The following TRIM49 variants were observed in gnomAD, a reference collection of about 807,000 sequenced individuals.
TRIM49 encodes the protein tripartite motif-containing protein 49.
Under a neutral mutation model 27.4 loss-of-function variants are expected in TRIM49, and 5 were observed. That is an observed-to-expected ratio of 0.18 (90% CI 0.10 to 0.38). The LOEUF is 0.38. TRIM49 is among the 10% of genes least tolerant of loss of function. The pLI is 1.00. For synonymous variants in TRIM49, 69 were observed against 166.0 expected (o/e 0.42, Z 4.49); for missense variants, 188 against 487.5 (o/e 0.39, Z 5.79).
the TRIM49 span, chr11:89,777,403 A>G: frequency 1.3e-6 from 2 of 1,539,168 alleles, no homozygotes; most frequent in Admixed American, 3.9e-5. Context: ...GATGCCTCTA[A>G]GGCAGTTTGA....
the TRIM49 span, chr11:89,782,028 C>A: frequency 6.6e-7 from 1 of 1,524,792 alleles, no homozygotes; most frequent in Non-Finnish European, 8.8e-7. Context: ...GGAGCACAAG[C>A]ATTCACCTCC....
At chr11:89,800,519 G>A (rs1310236533) in intron 6 of TRIM49, among the ~76,000 whole-genome samples, 3 of 151,386 alleles carry the variant, frequency 2.0e-5, no homozygotes, top group Admixed American at 6.5e-5. Context: ...CGAGGCGGGC[G>A]GATCACGGGG....
the TRIM49 span, among the ~76,000 whole-genome samples, chr11:89,774,406 C>A: frequency 6.6e-6 from 1 of 150,916 alleles, no homozygotes; most frequent in Non-Finnish European, 1.5e-5. Flanking sequence ...GTTTTCAATA[C>A]TTTATAAACC....
At chr11:89,778,333 T>C in the TRIM49 span, among the ~76,000 whole-genome samples, 1,221 of 151,846 alleles carry the variant, frequency 8.0e-3, 3 homozygotes, top group South Asian at 0.042. Context: ...TAGAATAGTA[T>C]ATAGAGTAAA....
At chr11:89,797,383 AATT>A (rs1239118867), downstream of TRIM49, among the ~76,000 whole-genome samples, 24 of 151,144 alleles carry the variant, frequency 1.6e-4, no homozygotes, top group Admixed American at 1.6e-3. Context: ...TAATTGTTTT[AATT>A]ATTAATTTGT....
intron 2 of TRIM49, among the ~76,000 whole-genome samples, chr11:89,805,712 AGTTTTTTTTT>A (rs1286439890): frequency 2.2e-5 from 3 of 139,270 alleles, no homozygotes; most frequent in Non-Finnish European, 4.5e-5. Flanking sequence ...AGGTGTTTTT[AGTTTTTTTTT>A]GTTTTTTTTT....
At chr11:89,774,110 C>T in the TRIM49 span, among the ~76,000 whole-genome samples, 4 of 149,090 alleles carry the variant, frequency 2.7e-5, no homozygotes, top group African/African-American at 1.0e-4. Context: ...AAGTGATTCT[C>T]ATGCCTCAGC....
chr11:89,790,839 C>T, the TRIM49 span, among the ~76,000 whole-genome samples: 1 of 152,058 alleles, frequency 6.6e-6, no homozygotes, highest in African/African-American at 2.4e-5. Flanking sequence ...AAAATCAGAG[C>T]ACCTCTCCCC....
downstream of TRIM49, among the ~76,000 whole-genome samples, chr11:89,797,109 C>T (rs577586563): frequency 5.3e-4 from 81 of 152,004 alleles, no homozygotes; most frequent in African/African-American, 1.9e-3. Flanking sequence ...TGGATTAATT[C>T]TTACTTTTGT....
At chr11:89,794,571 A>G (rs1949675858), downstream of TRIM49, among the ~76,000 whole-genome samples, 1 of 150,664 alleles carries the variant, frequency 6.6e-6, no homozygotes, top group African/African-American at 2.4e-5. Context: ...CAGAGCCCTC[A>G]GAAATAATGC....
the TRIM49 span, chr11:89,785,914 C>G: frequency 1.4e-5 from 2 of 142,400 alleles, no homozygotes; most frequent in Non-Finnish European, 3.0e-5. Flanking sequence ...CTTTCCCGGA[C>G]GGTGCCGCGA....
the TRIM49 span, among the ~76,000 whole-genome samples, chr11:89,775,655 T>C: frequency 7.5e-6 from 1 of 134,166 alleles, no homozygotes; most frequent in Non-Finnish European, 1.5e-5. Context: ...ATTGGCTATT[T>C]CAGAATGTGA....
downstream of TRIM49, chr11:89,797,607 T>C (rs1949700759): frequency 6.6e-6 from 1 of 152,444 alleles, no homozygotes; most frequent in Admixed American, 6.5e-5. Context: ...ATTATTTATA[T>C]CTGTGGTGAG....
the TRIM49 span, among the ~76,000 whole-genome samples, chr11:89,767,736 T>C: frequency 1.5e-5 from 2 of 133,236 alleles, no homozygotes; most frequent in South Asian, 2.3e-4. Context: ...AAGTTACTCA[T>C]GTATGCTTTA....
intron 2 of TRIM49, among the ~76,000 whole-genome samples, chr11:89,804,924 T>A (rs1437706509): frequency 2.0e-5 from 3 of 151,116 alleles, no homozygotes; most frequent in Non-Finnish European, 4.4e-5. Context: ...CTATGACATA[T>A]TTTTATAGAG....
intron 2 of TRIM49, among the ~76,000 whole-genome samples, chr11:89,806,248 A>T (rs1356033192): frequency 1.3e-5 from 2 of 150,976 alleles, no homozygotes; most frequent in Non-Finnish European, 2.9e-5. Flanking sequence ...TGGTATTATA[A>T]TCTTATGGGA....
intron 5 of TRIM49, among the ~76,000 whole-genome samples, chr11:89,801,340 T>A (rs1256149982): frequency 1.4e-5 from 2 of 143,820 alleles, no homozygotes. Flanking sequence ...AAACCTAGAT[T>A]CCCAAAACTT....
the TRIM49 span, among the ~76,000 whole-genome samples, chr11:89,770,560 A>G: frequency 3.2e-4 from 46 of 142,824 alleles, 4 homozygotes; most frequent in African/African-American, 1.3e-3. Context: ...TGACCATAGT[A>G]TTAAAAATTC....
Position 89,798,280 on chromosome 11 carries a change from T to C in TRIM49, c.1209A>G (p.Pro403=). The change falls in exon 8 of 8, where the codon CCA becomes CCG. Residue 403 remains proline, a synonymous_variant. Coordinates refer to ENST00000329758, the MANE Select transcript of TRIM49 (RefSeq NM_020358.2). ...TTSPLMLQYI[P]KPTSRVGLFL... ...ATAATCCTACTCGGCTGGTAGGTTT[T>C]GGGATATATTGCAGCATAAGTGGGG... is the stretch of plus-strand genomic sequence containing the variant. 2.5e-6 allele frequency: 4 copies of C among 1,578,158 alleles called. 1 individual carries two copies. The highest frequency in any genetic ancestry group is 3.4e-6 in the Non-Finnish European group (4 of 1,168,126).
Sources: allele counts gnomAD v4.1 joint callset (sites outside exome capture counted in the v4.1 genomes callset), GRCh38; gene constraint gnomAD v4.1.1; transcripts MANE v1.5; gene names NCBI Gene and HGNC (gene_info 2026-07-23, HGNC 2026-07-21).